Variants in ABR observed in about 807,000 individuals in gnomAD.
ABR encodes the protein active breakpoint cluster region-related protein.
Under a neutral mutation model 107.2 loss-of-function variants are expected in ABR, and 35 were observed. The observed-to-expected ratio is 0.33, with a 90% CI of 0.25 to 0.43. The LOEUF (loss-of-function observed/expected upper bound fraction) is 0.43. Ranked by LOEUF, ABR falls within the 20% of genes least tolerant of loss-of-function variation. ABR has a pLI of 1.00. For synonymous variants in ABR, 498 were observed against 462.0 expected, an observed-to-expected ratio of 1.08 and a Z score of -1.00; for missense variants, 815 against 1,115.2, an observed-to-expected ratio of 0.73 and a Z score of 3.83.
intron 1 of ABR, among the ~76,000 whole-genome samples, chr17:1,211,233 C>G (rs2042895422): frequency 6.6e-6 from 1 of 152,076 alleles, no homozygotes; most frequent in Admixed American, 6.6e-5. Context: ...GAGCAGAAAT[C>G]TCTCCACTTC....
intron 1 of ABR, among the ~76,000 whole-genome samples, chr17:1,133,757 T>C (rs929400071): frequency 6.6e-6 from 1 of 152,146 alleles, no homozygotes; most frequent in Non-Finnish European, 1.5e-5. Context: ...ACCCTCGTTT[T>C]CTAGGAAGTG....
chr17:1,011,833 C>T lies in ABR; in HGVS notation c.2101+13G>A. ...ACAGCCACACCTGCCCCGGCTGGGC[C>T]TCCCAGACTCACTGGCATCGAAGAC... On this transcript the variant is annotated intron_variant, in intron 19 of 22. Transcript: ENST00000302538. The surrounding 1 kb of genome is among the most constrained non-coding windows in gnomAD (Gnocchi z 4.8). The T allele has an allele frequency of 1.3e-6, 2 of 1,563,350 alleles. No homozygotes were observed. The highest frequency in any genetic ancestry group is 2.3e-5 in the East Asian group (1 of 44,110).
Position 1,195,741 on chromosome 17 carries a change from T to C in ABR, c.838+33052A>G, listed in dbSNP as rs534808654. ...ATGGTGTGAACCCGGGAGGCAAAGG[T>C]TGCAGTGAGCCGAGATCGTGTCACT... On this transcript the variant is annotated intron_variant, in intron 1 of 22. Transcript: ENST00000574139. Among the ~76,000 whole-genome samples the C allele has an allele frequency of 1.7e-4, 25 of 150,416 alleles. 3 individuals are homozygous for C. The highest frequency in any genetic ancestry group is 5.7e-4 in the African/African-American group (23 of 40,348).
At chr17:1,009,404 A>G (rs1475755920) in intron 21 of ABR, among the ~76,000 whole-genome samples, 3 of 152,080 alleles carry the variant, frequency 2.0e-5, no homozygotes, top group East Asian at 1.9e-4. Context: ...TGAGCATTCT[A>G]TGGTCAATAT....
At chr17:1,193,267 A>ACCCCCCCCC (rs1369346504) in intron 1 of ABR, among the ~76,000 whole-genome samples, 2 of 135,892 alleles carry the variant, frequency 1.5e-5, no homozygotes, top group Non-Finnish European at 1.7e-5. Context: ...TTTCTGGGAC[A>ACCCCCCCCC]CCCCCTCCCC....
At chr17:1,073,809 C>T (rs1297835944) in intron 6 of ABR, 132 bp from the exon 7 acceptor site, 2 of 718,678 alleles carry the variant, frequency 2.8e-6, no homozygotes, top group Non-Finnish European at 4.5e-6. Flanking sequence ...CAGAGTGAGC[C>T]CACGGCAGCC....
chr17:1,015,834 C>T (rs887449984), intron 16 of ABR, among the ~76,000 whole-genome samples: 1 of 152,152 alleles, frequency 6.6e-6, no homozygotes, highest in Non-Finnish European at 1.5e-5. Flanking sequence ...ATGGGCGGAA[C>T]ATTTTTTGCT....
chr17:1,061,105 G>A (rs1009163068), intron 10 of ABR, among the ~76,000 whole-genome samples: 2 of 152,236 alleles, frequency 1.3e-5, no homozygotes, highest in Non-Finnish European at 2.9e-5. Context: ...TGGTCAGCAA[G>A]GGGCGTGTCT....
At chr17:1,048,133 G>C (rs147569315) in intron 16 of ABR, among the ~76,000 whole-genome samples, 66 of 152,354 alleles carry the variant, frequency 4.3e-4, no homozygotes, top group Admixed American at 1.1e-3. Flanking sequence ...TCCCCACAGA[G>C]AGCAGGTCCC....
chr17:1,018,105 C>G (rs956859990), intron 16 of ABR, among the ~76,000 whole-genome samples: 13 of 151,886 alleles, frequency 8.6e-5, no homozygotes, highest in African/African-American at 2.9e-4. Flanking sequence ...TGCTGTGGCG[C>G]GATCCTGGCT....
At chr17:1,135,511 T>C (rs2040022864) in intron 1 of ABR, among the ~76,000 whole-genome samples, 1 of 151,280 alleles carries the variant, frequency 6.6e-6, no homozygotes, top group African/African-American at 2.4e-5. Flanking sequence ...GAATTGAGGA[T>C]GGGAATGAGA....
chr17:1,173,364 C>T lies in ABR; in HGVS notation c.61+6303G>A, dbSNP rs2041816291. Among the ~76,000 whole-genome samples, 3 of 148,000 alleles carry T rather than the reference C, an allele frequency of 2.0e-5. No individual in the cohort carries two copies. The South Asian group carries it at 6.4e-4, about 32-fold the overall frequency. ...CACCTCAGTCCACTCAACACATCAC[C>T]TCAGCCCACCCCCCACACATCACCA... On this transcript the variant is annotated intron_variant, in intron 1 of 22. Transcript: ENST00000302538.
chr17:1,045,016 T>A (rs2031342655), intron 16 of ABR, among the ~76,000 whole-genome samples: 1 of 152,190 alleles, frequency 6.6e-6, no homozygotes, highest in Non-Finnish European at 1.5e-5. Context: ...AGGTTTATAA[T>A]AATCCATGAA....
At chr17:1,018,264 G>T (rs575820608) in intron 16 of ABR, among the ~76,000 whole-genome samples, 9,248 of 151,254 alleles carry the variant, frequency 0.061, 365 homozygotes, top group Non-Finnish European at 0.092. Flanking sequence ...GGATGGTCTT[G>T]ATCTCCTGAC....
chr17:1,067,025 C>G, intron 10 of ABR, 52 bp downstream of exon 10: 1 of 1,594,702 alleles, frequency 6.3e-7, no homozygotes, highest in Non-Finnish European at 8.6e-7. Context: ...TCCACCTCCC[C>G]CAACACAGCT....
intron 1 of ABR, among the ~76,000 whole-genome samples, chr17:1,208,111 C>T (rs1220463052): frequency 6.6e-6 from 1 of 152,096 alleles, no homozygotes; most frequent in Non-Finnish European, 1.5e-5. Flanking sequence ...GAGATGGCCT[C>T]CCTGCTCTTG....
chr17:1,119,740 T>C (rs1308201624), intron 2 of ABR, among the ~76,000 whole-genome samples: 1 of 152,282 alleles, frequency 6.6e-6, no homozygotes. Context: ...TGCAGTAGGA[T>C]CAGCGGCGGG....
intron 1 of ABR, among the ~76,000 whole-genome samples, chr17:1,145,396 A>T (rs2040484005): frequency 6.6e-6 from 1 of 152,204 alleles, no homozygotes; most frequent in Non-Finnish European, 1.5e-5. Flanking sequence ...AGAATTGATA[A>T]CAAGTAATAA....
At chr17:1,072,922 T>C (rs2035359854) in intron 7 of ABR, among the ~76,000 whole-genome samples, 168 bp from the exon 8 acceptor site, 1 of 152,144 alleles carries the variant, frequency 6.6e-6, no homozygotes, top group Non-Finnish European at 1.5e-5. Context: ...GGCTCATGCC[T>C]GAAATCCCAG....
Sources: gnomAD v4.1 joint callset for allele counts (sites outside exome capture counted in the v4.1 genomes callset) on GRCh38, gnomAD v4.1.1 for gene constraint, Gnocchi (gnomAD v3.1) non-coding constraint, MANE v1.5 for transcripts, NCBI Gene and HGNC (gene_info 2026-07-23, HGNC 2026-07-21) for gene names.